SSBP2: variants seen among roughly 807,000 people sequenced by gnomAD.
SSBP2 encodes the protein single stranded DNA binding protein 2.
Under a neutral mutation model 61.8 loss-of-function variants are expected in SSBP2, and 17 were observed. That is an observed-to-expected ratio of 0.28 (90% CI 0.19 to 0.41). The LOEUF is 0.41. SSBP2 is among the 10% of genes least tolerant of loss of function. SSBP2 has a pLI of 1.00. For synonymous variants in SSBP2, 139 were observed against 141.3 expected (o/e 0.98, Z 0.12); for missense variants, 310 against 458.7 (o/e 0.68, Z 2.96).
chr5:81,447,594 C>A (rs956263388), intron 11 of SSBP2, among the ~76,000 whole-genome samples: 1 of 152,134 alleles, frequency 6.6e-6, no homozygotes, highest in African/African-American at 2.4e-5. Flanking sequence ...GCTCTATGTA[C>A]AGCAATCAAA....
intron 1 of SSBP2, among the ~76,000 whole-genome samples, chr5:81,728,297 G>A (rs1043652477): frequency 1.3e-5 from 2 of 152,076 alleles, no homozygotes; most frequent in South Asian, 2.1e-4. Context: ...CAAAAACGGC[G>A]ACAATACAGT....
At chr5:81,551,948 G>A (rs1772224972) in intron 4 of SSBP2, among the ~76,000 whole-genome samples, 1 of 152,120 alleles carries the variant, frequency 6.6e-6, no homozygotes, top group Admixed American at 6.5e-5. Flanking sequence ...AGAATTTGAA[G>A]AGGCTATTTT....
At chr5:81,706,150 A>G (rs1754375707) in intron 1 of SSBP2, among the ~76,000 whole-genome samples, 2 of 152,174 alleles carry the variant, frequency 1.3e-5, no homozygotes, top group Admixed American at 1.3e-4. Context: ...ACACAGCCAT[A>G]AAAAAAGAGA....
chr5:81,467,073 A>C lies in SSBP2; in HGVS notation c.571-32T>G. On this transcript the variant is annotated intron_variant, in intron 8 of 16. Coordinates refer to ENST00000320672, the MANE Select transcript of SSBP2 (RefSeq NM_012446.5). ...TGATAACCAAGGGTCAGACTACCAC[A>C]AAACAAAAAAACAAAACCAAAGAGG... The C allele has an allele frequency of 6.4e-7, 1 of 1,574,552 alleles. No individual in the cohort carries two copies. Among genetic ancestry groups the C allele is most frequent in the Non-Finnish European group, 8.7e-7 (1 of 1,152,616 alleles).
At chr5:81,694,551 C>A (rs1002424969) in intron 1 of SSBP2, among the ~76,000 whole-genome samples, 6 of 150,948 alleles carry the variant, frequency 4.0e-5, no homozygotes, top group Non-Finnish European at 1.5e-5. Context: ...TTTTTTTTTT[C>A]TATCCACAGT....
At chr5:81,488,539 A>G (rs759128525) in intron 6 of SSBP2, among the ~76,000 whole-genome samples, 1 of 151,986 alleles carries the variant, frequency 6.6e-6, no homozygotes, top group African/African-American at 2.4e-5. Flanking sequence ...GAAAACACCA[A>G]TTCAGGTCCT....
intron 4 of SSBP2, among the ~76,000 whole-genome samples, chr5:81,598,811 T>C (rs1262469217): frequency 6.6e-6 from 1 of 152,192 alleles, no homozygotes; most frequent in Non-Finnish European, 1.5e-5. Context: ...GTTCTAGCCA[T>C]GTCAAGCAGC....
chr5:81,654,990 T>C (rs181199965), intron 1 of SSBP2, among the ~76,000 whole-genome samples: 107 of 151,616 alleles, frequency 7.1e-4, no homozygotes, highest in Admixed American at 1.8e-3. Context: ...TATATACTTA[T>C]ATATATTTTA....
At position 81,736,143 on chromosome 5, in the gene SSBP2, AACACACAC is replaced by A. The variant is rs58588638; in HGVS notation, c.62+14830_62+14837del. 1.6e-4 allele frequency among the ~76,000 whole-genome samples: 12 copies of A among 75,334 alleles called. 1 individual carries two copies. Among genetic ancestry groups the A allele is most frequent in the South Asian group, 1.3e-3 (3 of 2,296 alleles). 49.4% of individuals were successfully genotyped at this position (75,334 alleles called of 152,430 possible). A position where few individuals can be genotyped will look rare whatever the true frequency, so the allele number is the denominator to read the frequency against. ...TTCCAAAAACATCCTACTACCCTGA[AACACACAC>A]ACACACACACACACACACACACACA... On this transcript the variant is annotated intron_variant, in intron 1 of 16. Transcript: ENST00000320672.
chr5:81,614,306 G>C (rs1428606012), intron 4 of SSBP2, among the ~76,000 whole-genome samples: 2 of 142,354 alleles, frequency 1.4e-5, no homozygotes, highest in Admixed American at 1.5e-4. Context: ...CTTGCAGTGA[G>C]CCGAGATTGC....
intron 6 of SSBP2, among the ~76,000 whole-genome samples, chr5:81,486,329 T>C (rs187878951): frequency 6.6e-6 from 1 of 152,148 alleles, no homozygotes; most frequent in Non-Finnish European, 1.5e-5. Context: ...GTCTTCAAAG[T>C]GTTCATTTTG....
At position 81,561,014 on chromosome 5, in the gene SSBP2, A is replaced by G. The variant is rs1184516739; in HGVS notation, c.283-47297T>C. Among the ~76,000 whole-genome samples, 5 of 152,180 alleles carry G rather than the reference A, an allele frequency of 3.3e-5. 1 individual carries two copies. The highest frequency in any genetic ancestry group is 9.6e-5 in the African/African-American group (4 of 41,456). ...ATGTCCTACTGCTGCTGACTTTAAC[A>G]CTATCCTATGATCATAGGAGTTTCT... On this transcript the variant is annotated intron_variant, in intron 4 of 16. Transcript: ENST00000320672.
chr5:81,704,775 G>A (rs570125219), intron 1 of SSBP2, among the ~76,000 whole-genome samples: 306 of 125,058 alleles, frequency 2.4e-3, no homozygotes, highest in African/African-American at 8.7e-3. Flanking sequence ...CAGCCTGGGT[G>A]ACGGGGAATG....
intron 4 of SSBP2, among the ~76,000 whole-genome samples, chr5:81,554,813 C>A (rs940181609): frequency 6.6e-6 from 1 of 151,982 alleles, no homozygotes; most frequent in Non-Finnish European, 1.5e-5. Flanking sequence ...TAATAAATAC[C>A]ATTCATGATG....
intron 2 of SSBP2, among the ~76,000 whole-genome samples, chr5:81,642,248 A>G (rs1208418183): frequency 2.0e-5 from 3 of 152,160 alleles, no homozygotes; most frequent in South Asian, 2.1e-4. Context: ...ATCTTTGCCA[A>G]TAACATTTTC....
intron 1 of SSBP2, among the ~76,000 whole-genome samples, chr5:81,713,973 A>G (rs564699330): frequency 6.6e-6 from 1 of 152,260 alleles, no homozygotes; most frequent in Admixed American, 6.5e-5. Flanking sequence ...TTTGTTAGAT[A>G]GGTATGCACA....
intron 15 of SSBP2, among the ~76,000 whole-genome samples, chr5:81,432,832 G>C (rs529037849): frequency 6.6e-6 from 1 of 150,572 alleles, no homozygotes; most frequent in South Asian, 2.1e-4. Context: ...CGCCCGGCCA[G>C]CCGCCCCGTC....
chr5:81,671,660 C>T (rs1402302259), intron 1 of SSBP2, among the ~76,000 whole-genome samples: 1 of 151,976 alleles, frequency 6.6e-6, no homozygotes, highest in Non-Finnish European at 1.5e-5. Context: ...TGTTCCAGCA[C>T]TTAAGAAAAA....
intron 4 of SSBP2, among the ~76,000 whole-genome samples, chr5:81,581,445 AC>A (rs1403107478): frequency 2.0e-5 from 3 of 152,230 alleles, no homozygotes; most frequent in Non-Finnish European, 4.4e-5. Context: ...GTTAACAGAA[AC>A]CTGCAGAGCC....
Sources: gnomAD v4.1 joint callset for allele counts (sites outside exome capture counted in the v4.1 genomes callset) on GRCh38, gnomAD v4.1.1 for gene constraint, MANE v1.5 for transcripts, NCBI Gene and HGNC (gene_info 2026-07-23, HGNC 2026-07-21) for gene names.